The following AFDN variants were observed in gnomAD, a reference collection of about 807,000 sequenced individuals.
AFDN encodes the protein afadin, adherens junction formation factor, also known as afadin.
Under a neutral mutation model 216.6 loss-of-function variants are expected in AFDN, and 68 were observed. The ratio of observed to expected loss-of-function variants is 0.31; its 90% CI spans 0.26 to 0.38. The LOEUF is 0.38. AFDN is among the 10% of genes least tolerant of loss of function. AFDN has a pLI of 1.00. For missense variants in AFDN, 2,136 were observed against 2,342.0 expected (o/e 0.91, Z 1.82); for synonymous variants, 868 against 853.7 (o/e 1.02, Z -0.29).
chr6:167,887,450 T>C (rs968095977), intron 6 of AFDN, among the ~76,000 whole-genome samples: 65 of 151,018 alleles, frequency 4.3e-4, no homozygotes, highest in Non-Finnish European at 8.1e-4. Flanking sequence ...TGCCTTTTTT[T>C]TTTTTTTTCT....
intron 23 of AFDN, among the ~76,000 whole-genome samples, chr6:167,939,904 G>A (rs568939581): frequency 6.6e-5 from 10 of 152,302 alleles, no homozygotes; most frequent in South Asian, 6.2e-4. Context: ...TTTTCTAAGT[G>A]ATATGCTAAA....
At chr6:167,945,485 G>A (rs1386949512) in intron 26 of AFDN, among the ~76,000 whole-genome samples, 1 of 152,210 alleles carries the variant, frequency 6.6e-6, no homozygotes. Context: ...AAGCAACCCA[G>A]TCGCATATTA....
rs771044275 is a variant in AFDN, at chr6:167,917,070, C to G, written c.2566-19C>G. On this transcript the variant is annotated intron_variant, in intron 19 of 33. Coordinates refer to ENST00000683244, the MANE Select transcript of AFDN (RefSeq NM_001386888.1). ...ACTTTACAAGTGTGATATTTTATGT[C>G]CTTTATTCTTTTACATAGGCAACGA... 5.6e-6 allele frequency: 9 copies of G among 1,606,732 alleles called. No homozygotes were observed. The Admixed American group carries it at 6.7e-5, about 12-fold the overall frequency.
Position 167,946,766 on chromosome 6 carries a change from A to G in AFDN, c.3418A>G (p.Asn1140Asp). ...AAAGAGTGAAGGCTTTGAGCTCTAT[A>G]ATAATTCAACTCAAAATGGGTCTCC... ...RPKSEGFELYNNSTQNGSPES... is the reference protein window; with the variant it reads ...RPKSEGFELYDNSTQNGSPES... Residue 1140 changes from asparagine (N) to aspartate (D), a missense_variant, in exon 27 of 34, where the codon AAT becomes GAT. Asn to Asp is a conservative substitution (Grantham distance 23, BLOSUM62 1). Around this residue, in one of 8 missense-constraint regions of AFDN, gnomAD observed 981 missense variants for 966.0 expected, o/e 1.02. Coordinates refer to ENST00000683244, the MANE Select transcript of AFDN (RefSeq NM_001386888.1). 1 of 1,614,042 alleles carries G rather than the reference A, an allele frequency of 6.2e-7. No individual in the cohort carries two copies. Among genetic ancestry groups the G allele is most frequent in the South Asian group, 1.1e-5 (1 of 91,038 alleles).
chr6:167,938,431 A>G (rs1794280653), intron 23 of AFDN, among the ~76,000 whole-genome samples: 1 of 152,142 alleles, frequency 6.6e-6, no homozygotes, highest in Non-Finnish European at 1.5e-5. Flanking sequence ...ATGTGATTGG[A>G]TTTAGAGAGA....
chr6:167,936,595 A>G (rs1794028784), intron 23 of AFDN, among the ~76,000 whole-genome samples: 1 of 152,184 alleles, frequency 6.6e-6, no homozygotes, highest in Non-Finnish European at 1.5e-5. Context: ...TAGGCAGTAC[A>G]ATTCTCATTT....
chr6:167,908,018 A>T (rs1789926950), intron 13 of AFDN, among the ~76,000 whole-genome samples: 1 of 152,268 alleles, frequency 6.6e-6, no homozygotes, highest in Non-Finnish European at 1.5e-5. Context: ...TCTACCCCAG[A>T]GCTCTGCGGG....
chr6:167,917,217 G>A lies in AFDN; in HGVS notation c.2694G>A (p.Glu898=), dbSNP rs187764630. Residue 898 remains glutamate (E), a synonymous_variant, in exon 20 of 34, where the codon GAG becomes GAA. Coordinates refer to ENST00000683244, the MANE Select transcript of AFDN (RefSeq NM_001386888.1). ...LLQNYHCAPD[E]PFIPTDLIEN... ...AGAACTATCACTGTGCACCTGATGAGCCTTTTATCCCAACGGTGAGTGGAT... is the reference window on the plus strand; with the variant it reads ...AGAACTATCACTGTGCACCTGATGAACCTTTTATCCCAACGGTGAGTGGAT... 2 of 1,600,616 alleles carry A rather than the reference G, an allele frequency of 1.2e-6. No individual in the cohort carries two copies. Among genetic ancestry groups the A allele is most frequent in the East Asian group, 2.3e-5 (1 of 44,210 alleles).
At chr6:167,830,837 AGTG>A (rs1321131730) in intron 1 of AFDN, among the ~76,000 whole-genome samples, 1 of 151,428 alleles carries the variant, frequency 6.6e-6, no homozygotes, top group Non-Finnish European at 1.5e-5. Context: ...CTTCAGGTGA[AGTG>A]GTAATAATTG....
At chr6:167,880,553 T>C in intron 6 of AFDN, 36 bp downstream of exon 6, 1 of 1,593,666 alleles carries the variant, frequency 6.3e-7, no homozygotes, top group Non-Finnish European at 8.6e-7. Flanking sequence ...TTCTTTCTAC[T>C]TCACATTTAA....
rs1411173713 is a variant in AFDN at position 167,943,466 on chromosome 6, C to T, written c.3230C>T (p.Ser1077Phe). 5.0e-6 allele frequency: 8 copies of T among 1,613,244 alleles called. No homozygotes were observed. The highest frequency in any genetic ancestry group is 1.1e-5 in the South Asian group (1 of 91,068). The change falls in exon 25 of 34, where the codon TCT (serine) becomes TTT (phenylalanine). Residue 1077 changes from serine (S) to phenylalanine (F), a missense_variant. Ser to Phe is a radical substitution (Grantham distance 155, BLOSUM62 -2). This residue lies in a region of AFDN where 74 missense variants were observed against 98.8 expected (regional missense o/e 0.75). Coordinates refer to ENST00000683244, the MANE Select transcript of AFDN (RefSeq NM_001386888.1). ...SVDGRSLVGL[S>F]QERAAELMTR... ...GATGGACGAAGTCTGGTTGGACTCTCTCAGGAAAGGTATCATTGATTTATT... is the reference window on the plus strand; with the variant it reads ...GATGGACGAAGTCTGGTTGGACTCTTTCAGGAAAGGTATCATTGATTTATT...
intron 32 of AFDN, among the ~76,000 whole-genome samples, chr6:167,967,229 A>G (rs990584598): frequency 6.6e-6 from 1 of 152,232 alleles, no homozygotes; most frequent in Non-Finnish European, 1.5e-5. Flanking sequence ...ATCCTGCATC[A>G]TTCTGCATAA....
intron 31 of AFDN, chr6:167,965,005 T>A: frequency 1.9e-6 from 2 of 1,047,220 alleles, no homozygotes; most frequent in Middle Eastern, 8.7e-4. Flanking sequence ...TGTGTCAAAA[T>A]ATATTTGAAT....
At position 167,898,289 on chromosome 6, in the gene AFDN, G is replaced by A. The variant is rs1021612344; in HGVS notation, c.1402G>A (p.Ala468Thr). The change falls in exon 11 of 34, where the codon GCA becomes ACA. Residue 468 changes from alanine (A) to threonine (T), a missense_variant. By Grantham distance (58) the Ala-to-Thr change is moderately conservative. This residue lies in a region of AFDN where 817 missense variants were observed against 965.7 expected (regional missense o/e 0.85). Coordinates refer to ENST00000683244, the MANE Select transcript of AFDN (RefSeq NM_001386888.1). ...CACTGTGACGCCCAGAAGTATGGAC[G>A]CAGAAACCTACGTGGAAGGCCAGCG... is the stretch of plus-strand genomic sequence containing the variant. The part of the protein sequence containing the change: ...VVTVTPRSMD[A>T]ETYVEGQRIS... The A allele has an allele frequency of 1.4e-5, 23 of 1,614,100 alleles. No individual in the cohort carries two copies. Among genetic ancestry groups the A allele is most frequent in the Non-Finnish European group, 1.7e-5 (20 of 1,180,020 alleles).
At chr6:167,915,531 C>A (rs1448081975) in intron 19 of AFDN, 98 bp downstream of exon 19, 1 of 1,395,560 alleles carries the variant, frequency 7.2e-7, no homozygotes. Flanking sequence ...ACCTCAATAC[C>A]CTCTTTTTGG....
At chr6:167,950,995 C>T (rs2128683450) in intron 29 of AFDN, among the ~76,000 whole-genome samples, 191 bp from the exon 30 acceptor site, 1 of 152,146 alleles carries the variant, frequency 6.6e-6, no homozygotes, top group South Asian at 2.1e-4. Flanking sequence ...CCACGCTTGG[C>T]CGCTTTTCCT....
At chr6:167,897,684 G>T (rs1025939810) in intron 10 of AFDN, among the ~76,000 whole-genome samples, 5 of 110,982 alleles carry the variant, frequency 4.5e-5, no homozygotes, top group African/African-American at 1.1e-4. Flanking sequence ...GTCTTACTCT[G>T]TCAGCAGGCT....
intron 23 of AFDN, among the ~76,000 whole-genome samples, chr6:167,940,593 A>G (rs374082501): frequency 5.8e-4 from 13 of 22,368 alleles, no homozygotes; most frequent in Non-Finnish European, 8.0e-4. Flanking sequence ...CACAGGAGAG[A>G]TGTGTGGACA....
intron 11 of AFDN, among the ~76,000 whole-genome samples, chr6:167,899,862 C>T (rs1483834989): frequency 6.6e-6 from 1 of 152,226 alleles, no homozygotes; most frequent in East Asian, 1.9e-4. Context: ...CCTAGTGTTA[C>T]TGTCCATCTC....
Sources: allele counts gnomAD v4.1 joint callset (sites outside exome capture counted in the v4.1 genomes callset), GRCh38; gene constraint gnomAD v4.1.1; regional missense constraint gnomAD v4.1.1; transcripts MANE v1.5; gene names NCBI Gene and HGNC (gene_info 2026-07-23, HGNC 2026-07-21).